ROBO2: variants seen among roughly 807,000 people sequenced by gnomAD.
ROBO2 encodes roundabout guidance receptor 2.
In ROBO2, 53 loss-of-function variants were observed where a neutral mutation model predicts 160.8. The ratio of observed to expected loss-of-function variants is 0.33; its 90% CI spans 0.26 to 0.41. The LOEUF (loss-of-function observed/expected upper bound fraction) is 0.41, where lower values mean the gene tolerates loss of function less well. ROBO2 is among the 10% of genes least tolerant of loss of function. The pLI is 1.00. For synonymous variants in ROBO2, 664 were observed against 611.7 expected (o/e 1.09, Z -1.26); for missense variants, 1,577 against 1,722.4 (o/e 0.92, Z 1.49).
At chr3:76,935,882 C>T (rs2077667575) in intron 2 of ROBO2, among the ~76,000 whole-genome samples, 1 of 152,168 alleles carries the variant, frequency 6.6e-6, no homozygotes, top group South Asian at 2.1e-4. Context: ...TGAAGACTCT[C>T]TGCTCTCAAG....
At chr3:76,827,242 A>G (rs1412457817) in intron 2 of ROBO2, among the ~76,000 whole-genome samples, 1 of 152,230 alleles carries the variant, frequency 6.6e-6, no homozygotes, top group African/African-American at 2.4e-5. Context: ...TGGACTTAAC[A>G]TAATTAACTG....
chr3:76,222,568 C>G (rs1704037151), intron 2 of ROBO2, among the ~76,000 whole-genome samples: 2 of 151,094 alleles, frequency 1.3e-5, no homozygotes, highest in Admixed American at 1.3e-4. Context: ...CTGGCACTGT[C>G]TGTGACCAAT....
At chr3:76,246,626 A>T (rs1705640445) in intron 2 of ROBO2, among the ~76,000 whole-genome samples, 1 of 152,134 alleles carries the variant, frequency 6.6e-6, no homozygotes, top group Non-Finnish European at 1.5e-5. Context: ...TAGAAGTTAT[A>T]ACAAACTTAT....
chr3:76,771,743 G>A (rs188372232), intron 2 of ROBO2, among the ~76,000 whole-genome samples: 1 of 151,162 alleles, frequency 6.6e-6, no homozygotes, highest in East Asian at 2.0e-4. Flanking sequence ...TTTAAAATTT[G>A]CTTTTAGTTT....
chr3:76,075,533 G>A (rs2068620762), intron 2 of ROBO2, among the ~76,000 whole-genome samples: 1 of 147,456 alleles, frequency 6.8e-6, no homozygotes. Context: ...GCATAGATGT[G>A]CTATTTGCAA....
chr3:76,251,940 A>G (rs1373918993), intron 2 of ROBO2, among the ~76,000 whole-genome samples: 2 of 152,084 alleles, frequency 1.3e-5, no homozygotes, highest in Admixed American at 1.3e-4. Flanking sequence ...GTTTTATAAG[A>G]AAGACAGAAA....
intron 2 of ROBO2, among the ~76,000 whole-genome samples, chr3:75,958,932 C>G (rs1413175273): frequency 6.6e-6 from 1 of 151,738 alleles, no homozygotes; most frequent in Non-Finnish European, 1.5e-5. Flanking sequence ...GGTGAGGTAT[C>G]CAATTTCATT....
chr3:75,953,819 G>T (rs1948633907), intron 2 of ROBO2, among the ~76,000 whole-genome samples: 1 of 151,794 alleles, frequency 6.6e-6, no homozygotes. Context: ...AATACATATA[G>T]ACATCAATTT....
At chr3:76,635,385 G>C (rs1182224100) in intron 2 of ROBO2, among the ~76,000 whole-genome samples, 1 of 152,096 alleles carries the variant, frequency 6.6e-6, no homozygotes, top group Non-Finnish European at 1.5e-5. Context: ...GCTGACTTTT[G>C]CTTATAGCTT....
intron 20 of ROBO2, chr3:77,603,124 C>T: frequency 2.2e-6 from 1 of 455,026 alleles, no homozygotes; most frequent in South Asian, 1.6e-5. Context: ...GTGTTCCTAA[C>T]AACCATGAAG....
chr3:76,860,867 C>T (rs2070701776), intron 2 of ROBO2, among the ~76,000 whole-genome samples: 1 of 152,154 alleles, frequency 6.6e-6, no homozygotes, highest in South Asian at 2.1e-4. Flanking sequence ...TTCCTTCTTT[C>T]ACTTGTTAAA....
chr3:77,141,728 G>A (rs2076722446), intron 2 of ROBO2, among the ~76,000 whole-genome samples: 1 of 152,094 alleles, frequency 6.6e-6, no homozygotes, highest in Non-Finnish European at 1.5e-5. Context: ...GACAGGTTTG[G>A]GACAATAACG....
chr3:76,011,885 G>A (rs989580874), intron 2 of ROBO2, among the ~76,000 whole-genome samples: 1 of 152,032 alleles, frequency 6.6e-6, no homozygotes, highest in African/African-American at 2.4e-5. Flanking sequence ...GAAATTTTAA[G>A]GATACAATAT....
At chr3:76,830,815 A>AAG (rs2067022324) in intron 2 of ROBO2, among the ~76,000 whole-genome samples, 1 of 151,224 alleles carries the variant, frequency 6.6e-6, no homozygotes, top group African/African-American at 2.4e-5. Context: ...CATTTCTAAA[A>AAG]AAAAAAAAAA....
chr3:76,789,814 A>G (rs1369898945), intron 2 of ROBO2, among the ~76,000 whole-genome samples: 1 of 151,658 alleles, frequency 6.6e-6, no homozygotes, highest in East Asian at 1.9e-4. Context: ...TATTAAGTCA[A>G]GGGCTCACAC....
At chr3:76,173,795 G>A (rs1231006601) in intron 2 of ROBO2, among the ~76,000 whole-genome samples, 1 of 152,062 alleles carries the variant, frequency 6.6e-6, no homozygotes, top group Non-Finnish European at 1.5e-5. Flanking sequence ...CCAAGTCTTT[G>A]CTATCGTAAA....
chr3:76,019,389 A>C (rs1341152988), intron 2 of ROBO2, among the ~76,000 whole-genome samples: 1 of 151,034 alleles, frequency 6.6e-6, no homozygotes, highest in Non-Finnish European at 1.5e-5. Context: ...ATCTGAGAAT[A>C]CTGTGTACTC....
intron 2 of ROBO2, among the ~76,000 whole-genome samples, chr3:76,958,886 T>G (rs1272411739): frequency 6.6e-6 from 1 of 152,230 alleles, no homozygotes; most frequent in African/African-American, 2.4e-5. Flanking sequence ...TGCTACCTTT[T>G]CAATTATTGA....
At chr3:76,102,913 C>G (rs972044124) in intron 2 of ROBO2, among the ~76,000 whole-genome samples, 3 of 151,956 alleles carry the variant, frequency 2.0e-5, no homozygotes, top group Non-Finnish European at 4.4e-5. Context: ...CAAGCTCTGC[C>G]TCCCGGGTTC....
Sources: gnomAD v4.1 joint callset for allele counts (sites outside exome capture counted in the v4.1 genomes callset) on GRCh38, gnomAD v4.1.1 for gene constraint, MANE v1.5 for transcripts, NCBI Gene and HGNC (gene_info 2026-07-23, HGNC 2026-07-21) for gene names.